Variants in KCNC2 observed in about 807,000 individuals in gnomAD.
The protein encoded by KCNC2 is potassium voltage-gated channel subfamily C member 2.
In KCNC2, 21 loss-of-function variants were observed where a neutral mutation model predicts 44.5. The observed-to-expected ratio is 0.47, with a 90% CI of 0.33 to 0.68. The LOEUF (loss-of-function observed/expected upper bound fraction) is 0.68, where lower values mean the gene tolerates loss of function less well. KCNC2 is among the 30% of genes least tolerant of loss of function. The pLI, the probability that KCNC2 is intolerant of heterozygous loss-of-function variation, is 0.01. For missense variants in KCNC2, 589 were observed against 826.2 expected, an observed-to-expected ratio of 0.71 and a Z score of 3.52; for synonymous variants, 391 against 339.1, an observed-to-expected ratio of 1.15 and a Z score of -1.68.
chr12:75,184,200 G>C (rs192915888), intron 2 of KCNC2, among the ~76,000 whole-genome samples: 1 of 152,082 alleles, frequency 6.6e-6, no homozygotes, highest in Non-Finnish European at 1.5e-5. Flanking sequence ...TATAAGACTC[G>C]TGTAGTCTCT....
chr12:75,077,515 C>T (rs572841237), intron 2 of KCNC2, among the ~76,000 whole-genome samples: 4 of 152,250 alleles, frequency 2.6e-5, no homozygotes, highest in South Asian at 4.1e-4. Context: ...GTATCTGATA[C>T]AAATCATTTC....
At chr12:75,085,667 T>G (rs757181877) in intron 2 of KCNC2, among the ~76,000 whole-genome samples, 5 of 152,072 alleles carry the variant, frequency 3.3e-5, no homozygotes, top group Non-Finnish European at 5.9e-5. Flanking sequence ...TGAATATATT[T>G]AAATAGTTAT....
chr12:75,043,568 T>C, intron 4 of KCNC2: 1 of 1,230,286 alleles, frequency 8.1e-7, no homozygotes, highest in Non-Finnish European at 1.0e-6. Flanking sequence ...TTAAGTAAGA[T>C]ATAAGCTTGA....
chr12:75,043,558 TTAAG>T (rs1455699817), intron 4 of KCNC2: 8 of 1,218,114 alleles, frequency 6.6e-6, no homozygotes, highest in African/African-American at 4.7e-5. Flanking sequence ...GCAAAGCAAC[TTAAG>T]TAAGATATAA....
chr12:75,188,704 C>A (rs141065040), intron 2 of KCNC2, among the ~76,000 whole-genome samples: 1 of 151,040 alleles, frequency 6.6e-6, no homozygotes, highest in Non-Finnish European at 1.5e-5. Context: ...ACTAAAAATA[C>A]AAAAAATTAG....
intron 2 of KCNC2, among the ~76,000 whole-genome samples, chr12:75,169,906 A>G (rs1312113668): frequency 6.6e-6 from 1 of 151,702 alleles, no homozygotes; most frequent in African/African-American, 2.4e-5. Context: ...AGATTTTTAA[A>G]CCAAGGACCT....
chr12:75,207,447 G>C lies in KCNC2; in HGVS notation c.537C>G (p.Pro179=), dbSNP rs749375642. Reference sequence around the variant, plus strand: ...TGGCCGCCAGGTCCTCGTCGTCGCCGGGGTCGCCGCCAATGAGGTCGGGGG... The same window carrying C: ...TGGCCGCCAGGTCCTCGTCGTCGCCCGGGTCGCCGCCAATGAGGTCGGGGG... ...FETPDLIGGD[P]GDDEDLAAKR... is the part of the protein sequence containing the mutation. The change falls in exon 2 of 5, where the codon CCC becomes CCG. Residue 179 remains proline (P), a synonymous_variant. Coordinates refer to ENST00000549446, the MANE Select transcript of KCNC2 (RefSeq NM_139137.4). The surrounding 1 kb of genome is among the most constrained non-coding windows in gnomAD (Gnocchi z 4.1). 2 of 1,609,658 alleles carry C rather than the reference G, an allele frequency of 1.2e-6. No homozygotes were observed. The highest frequency in any genetic ancestry group is 1.7e-6 in the Non-Finnish European group (2 of 1,178,370).
chr12:75,190,607 A>G (rs140691325), intron 2 of KCNC2, among the ~76,000 whole-genome samples: 120 of 152,266 alleles, frequency 7.9e-4, no homozygotes, highest in African/African-American at 2.7e-3. Flanking sequence ...GTACTAAGCT[A>G]AGATAACTTT....
Position 75,104,569 on chromosome 12 carries a change from A to T in KCNC2, c.688-53252T>A, listed in dbSNP as rs187247776. On this transcript the variant is annotated intron_variant, in intron 2 of 4. Transcript: ENST00000549446. ...ATTCAAATGAGTTCAGTAGCCGCCA[A>T]TATACTTTAATTCTGAGCATGGTTT... Among the ~76,000 whole-genome samples the T allele has an allele frequency of 1.1e-4, 16 of 152,288 alleles. No homozygotes were observed. The East Asian group carries it at 2.9e-3, about 28-fold the overall frequency.
chr12:75,062,863 G>A (rs187270838), intron 2 of KCNC2, among the ~76,000 whole-genome samples: 1 of 152,022 alleles, frequency 6.6e-6, no homozygotes, highest in East Asian at 1.9e-4. Context: ...AAAGTGCCTC[G>A]TTTTCACATG....
chr12:75,183,727 G>A (rs1317085821), intron 2 of KCNC2, among the ~76,000 whole-genome samples: 1 of 152,042 alleles, frequency 6.6e-6, no homozygotes, highest in Admixed American at 6.6e-5. Context: ...CTCTGAAATG[G>A]TCCCACATCT....
At chr12:75,087,339 C>A (rs1412564488) in intron 2 of KCNC2, among the ~76,000 whole-genome samples, 1 of 152,042 alleles carries the variant, frequency 6.6e-6, no homozygotes, top group Non-Finnish European at 1.5e-5. Flanking sequence ...GCTACCTCTT[C>A]CAGTTAGTCA....
chr12:75,075,814 T>C (rs138246952), intron 2 of KCNC2, among the ~76,000 whole-genome samples: 10 of 152,290 alleles, frequency 6.6e-5, no homozygotes, highest in Non-Finnish European at 1.3e-4. Context: ...CTTTTCAAGA[T>C]ATTGTTTTAC....
chr12:75,195,713 C>G (rs926358879), intron 2 of KCNC2, among the ~76,000 whole-genome samples: 1 of 152,090 alleles, frequency 6.6e-6, no homozygotes, highest in Admixed American at 6.6e-5. Flanking sequence ...AAAACTTACA[C>G]TCACCCTCTC....
rs536467018 is a variant in KCNC2 at position 75,193,945 on chromosome 12, C to A, written c.687+13352G>T. 5.9e-5 allele frequency among the ~76,000 whole-genome samples: 9 copies of A among 151,644 alleles called. No individual in the cohort carries two copies. The South Asian group carries it at 1.9e-3, about 32-fold the overall frequency. On this transcript the variant is annotated intron_variant, in intron 2 of 4. Transcript: ENST00000549446. ...TTCCATAGAGGGACTAGAGTTAATG[C>A]CAGAAATAAAATAGAATTTAAAGAA...
At chr12:75,060,891 G>A (rs1882252613) in intron 2 of KCNC2, among the ~76,000 whole-genome samples, 1 of 152,104 alleles carries the variant, frequency 6.6e-6, no homozygotes. Context: ...TGCACATGCA[G>A]TTCCTTCTGT....
intron 2 of KCNC2, among the ~76,000 whole-genome samples, chr12:75,086,369 G>T (rs1372299022): frequency 6.6e-6 from 1 of 152,014 alleles, no homozygotes; most frequent in African/African-American, 2.4e-5. Context: ...TGGCTAAGGT[G>T]CAAGAACATG....
chr12:75,047,998 A>C (rs777568927), intron 4 of KCNC2, among the ~76,000 whole-genome samples, 155 bp downstream of exon 4: 2 of 152,114 alleles, frequency 1.3e-5, no homozygotes, highest in Non-Finnish European at 2.9e-5. Context: ...TATTTTAACA[A>C]GTTTCTAAGG....
intron 2 of KCNC2, among the ~76,000 whole-genome samples, chr12:75,114,787 A>G (rs532947667): frequency 2.6e-5 from 4 of 151,210 alleles, no homozygotes; most frequent in African/African-American, 9.7e-5. Flanking sequence ...GCCGTCTTTT[A>G]GAATACACGG....
Sources: gnomAD v4.1 joint callset for allele counts (sites outside exome capture counted in the v4.1 genomes callset) on GRCh38, gnomAD v4.1.1 for gene constraint, Gnocchi (gnomAD v3.1) non-coding constraint, MANE v1.5 for transcripts, NCBI Gene and HGNC (gene_info 2026-07-23, HGNC 2026-07-21) for gene names.